TAFA1: variants seen among roughly 807,000 people sequenced by gnomAD.
TAFA1 encodes the protein TAFA chemokine like family member 1, also known as chemokine-like protein TAFA-1.
TAFA1 carries 4 observed loss-of-function variants against 18.5 expected under a neutral mutation model. That is an observed-to-expected ratio of 0.22 (90% CI 0.11 to 0.49). The LOEUF (loss-of-function observed/expected upper bound fraction) is 0.49. Among genes scored for constraint, TAFA1 ranks in the 20% least tolerant of loss-of-function variants. The pLI, the probability that TAFA1 is intolerant of heterozygous loss-of-function variation, is 0.98. For synonymous variants in TAFA1, 56 were observed against 55.2 expected (o/e 1.01, Z -0.06); for missense variants, 147 against 169.0 (o/e 0.87, Z 0.72).
At chr3:68,342,342 T>C (rs895347367) in intron 2 of TAFA1, among the ~76,000 whole-genome samples, 1 of 152,174 alleles carries the variant, frequency 6.6e-6, no homozygotes, top group African/African-American at 2.4e-5. Flanking sequence ...TCTTGTCTCA[T>C]CCTGCTTAGA....
chr3:68,206,947 A>G (rs1223822962), intron 2 of TAFA1, among the ~76,000 whole-genome samples: 3 of 151,930 alleles, frequency 2.0e-5, no homozygotes, highest in Non-Finnish European at 4.4e-5. Flanking sequence ...TGAAGAGTAG[A>G]AATGACTTGA....
intron 3 of TAFA1, among the ~76,000 whole-genome samples, chr3:68,480,831 T>C (rs892813019): frequency 6.6e-6 from 1 of 152,134 alleles, no homozygotes; most frequent in Non-Finnish European, 1.5e-5. Context: ...AATTCCCATA[T>C]GTTGTGGGAG....
intron 3 of TAFA1, among the ~76,000 whole-genome samples, chr3:68,459,046 C>T (rs911209757): frequency 1.2e-4 from 18 of 152,140 alleles, no homozygotes; most frequent in African/African-American, 1.9e-4. Flanking sequence ...GTTCTCACAG[C>T]GAGAATTCTT....
rs552852660 is a variant in TAFA1 at position 68,139,839 on chromosome 3, G to C, written c.118+133095G>C. On this transcript the variant is annotated intron_variant, in intron 2 of 4. Transcript: ENST00000478136. ...CAATGTGGGAAACTGAGAATACAGTGGTTAAGAGTACAAGTTGTTTATTAT... is the reference window on the plus strand; with the variant it reads ...CAATGTGGGAAACTGAGAATACAGTCGTTAAGAGTACAAGTTGTTTATTAT... Among the ~76,000 whole-genome samples the C allele has an allele frequency of 2.6e-5, 4 of 152,282 alleles. No individual in the cohort carries two copies. In the South Asian group the frequency reaches 8.3e-4, roughly 32 times the overall value.
intron 2 of TAFA1, among the ~76,000 whole-genome samples, chr3:68,212,714 G>T (rs550111817): frequency 6.6e-6 from 1 of 151,942 alleles, no homozygotes; most frequent in Non-Finnish European, 1.5e-5. Context: ...ATGCCAATCA[G>T]TTTTTTAAAA....
At chr3:68,470,992 T>A (rs894733140) in intron 3 of TAFA1, among the ~76,000 whole-genome samples, 14 of 152,174 alleles carry the variant, frequency 9.2e-5, no homozygotes, top group Non-Finnish European at 1.9e-4. Flanking sequence ...GGGTTCCCCA[T>A]CTGTGTGCCA....
intron 2 of TAFA1, among the ~76,000 whole-genome samples, chr3:68,093,210 A>G (rs2065047965): frequency 6.6e-6 from 1 of 151,982 alleles, no homozygotes; most frequent in South Asian, 2.1e-4. Flanking sequence ...ATTGAGTTTA[A>G]TTCTTGTCCG....
intron 2 of TAFA1, among the ~76,000 whole-genome samples, chr3:68,392,633 C>CA (rs1460455870): frequency 2.0e-5 from 3 of 151,794 alleles, no homozygotes; most frequent in African/African-American, 2.4e-5. Flanking sequence ...TCAGCAAATG[C>CA]AAAAAAACGG....
At chr3:68,310,462 C>T (rs911158667) in intron 2 of TAFA1, among the ~76,000 whole-genome samples, 5 of 152,280 alleles carry the variant, frequency 3.3e-5, no homozygotes, top group East Asian at 3.9e-4. Flanking sequence ...TTTAGTTCCT[C>T]ATGTTCCTGA....
At chr3:68,262,309 A>G (rs1226398292) in intron 2 of TAFA1, among the ~76,000 whole-genome samples, 230 of 2,686 alleles carry the variant, frequency 0.086, 9 homozygotes, top group African/African-American at 0.25. Flanking sequence ...TATGGAGGGT[A>G]TATATATATA....
intron 2 of TAFA1, among the ~76,000 whole-genome samples, chr3:68,050,049 A>G (rs1012893125): frequency 7.2e-5 from 11 of 152,018 alleles, no homozygotes; most frequent in African/African-American, 2.7e-4. Flanking sequence ...AGGTTACATA[A>G]CCTCTCTGGG....
In TAFA1 at chr3:68,381,777, G is replaced by A. The variant is rs562142483; in HGVS notation, c.119-35503G>A. ...TACCCTTTGTTTCCTTCTGCTGCCT[G>A]ATTGCCCTGGCCAGAACTTCCAACA... is the stretch of plus-strand genomic sequence containing the variant. On this transcript the variant is annotated intron_variant, in intron 2 of 4. Coordinates refer to ENST00000478136, the MANE Select transcript of TAFA1 (RefSeq NM_213609.4). Among the ~76,000 whole-genome samples, 11 of 152,274 alleles carry A rather than the reference G, an allele frequency of 7.2e-5. No homozygotes were observed. In the South Asian group the frequency reaches 1.7e-3, roughly 23 times the overall value.
rs139431393 is a variant in TAFA1 at position 68,544,509 on chromosome 3, G to A, written c.*6G>A. 6.2e-7 allele frequency: 1 copy of A among 1,612,368 alleles called. No individual in the cohort carries two copies. Among genetic ancestry groups the A allele is most frequent in the African/African-American group, 1.3e-5 (1 of 74,964 alleles). On this transcript the variant is annotated 3_prime_UTR_variant, in exon 5 of 5. Coordinates refer to ENST00000478136, the MANE Select transcript of TAFA1 (RefSeq NM_213609.4). The stretch of plus-strand genomic sequence containing the variant: ...AGATTCACCCAAGAACCTAACAGAA[G>A]CATTTGTGGTAGTAAAGGAAAACCA...
chr3:68,453,419 C>G (rs1403288184), intron 3 of TAFA1, among the ~76,000 whole-genome samples: 2 of 152,204 alleles, frequency 1.3e-5, no homozygotes, highest in Non-Finnish European at 2.9e-5. Flanking sequence ...AGCTGTAACA[C>G]TATCCTCAGC....
At chr3:68,112,047 C>G (rs2065268880) in intron 2 of TAFA1, among the ~76,000 whole-genome samples, 1 of 151,900 alleles carries the variant, frequency 6.6e-6, no homozygotes, top group South Asian at 2.1e-4. Context: ...TCCATTGCAT[C>G]TTGGTATCAG....
At chr3:68,042,832 A>G (rs1274143506) in intron 2 of TAFA1, among the ~76,000 whole-genome samples, 2 of 152,138 alleles carry the variant, frequency 1.3e-5, no homozygotes, top group African/African-American at 4.8e-5. Flanking sequence ...CAAACCTTCA[A>G]GCACACATTA....
chr3:68,140,109 G>C (rs1186834898), intron 2 of TAFA1, among the ~76,000 whole-genome samples: 1 of 152,114 alleles, frequency 6.6e-6, no homozygotes, highest in Non-Finnish European at 1.5e-5. Context: ...ATACATAGTG[G>C]GTTAATTGAG....
intron 2 of TAFA1, among the ~76,000 whole-genome samples, chr3:68,320,491 C>A (rs142917165): frequency 5.3e-4 from 81 of 152,240 alleles, no homozygotes; most frequent in Middle Eastern, 3.4e-3. Context: ...TTTTCCCTCT[C>A]TGTCATGTTA....
At chr3:68,085,270 A>G (rs1003601969) in intron 2 of TAFA1, among the ~76,000 whole-genome samples, 1 of 152,216 alleles carries the variant, frequency 6.6e-6, no homozygotes, top group Admixed American at 6.5e-5. Flanking sequence ...CATTCAATTA[A>G]AGAAAGCTAA....
Sources: allele counts gnomAD v4.1 joint callset (sites outside exome capture counted in the v4.1 genomes callset), GRCh38; gene constraint gnomAD v4.1.1; transcripts MANE v1.5; gene names NCBI Gene and HGNC (gene_info 2026-07-23, HGNC 2026-07-21).